SUMF1: variants seen among roughly 807,000 people sequenced by gnomAD.
SUMF1 encodes the protein sulfatase modifying factor 1.
A neutral mutation model predicts 47.6 loss-of-function variants in SUMF1; 48 were observed. That is an observed-to-expected ratio of 1.01 (90% CI 0.80 to 1.28). The LOEUF is 1.28. Ranked by LOEUF, SUMF1 falls within the 50% of genes most tolerant of loss-of-function variation. The pLI, the probability that SUMF1 is intolerant of heterozygous loss-of-function variation, is 0.00. For missense variants in SUMF1, 571 were observed against 485.4 expected, an observed-to-expected ratio of 1.18 and a Z score of -1.66; for synonymous variants, 230 against 192.1, an observed-to-expected ratio of 1.20 and a Z score of -1.63.
chr3:4,134,139 C>G (rs1693862413), intron 8 of SUMF1, among the ~76,000 whole-genome samples: 1 of 152,096 alleles, frequency 6.6e-6, no homozygotes, highest in South Asian at 2.1e-4. Context: ...CTACAGAACT[C>G]TCCACCACAT....
At chr3:4,383,582 C>G (rs938383736) in intron 7 of SUMF1, among the ~76,000 whole-genome samples, 1 of 152,218 alleles carries the variant, frequency 6.6e-6, no homozygotes, top group Non-Finnish European at 1.5e-5. Context: ...AACCAACAGT[C>G]TCAGAAGATG....
chr3:4,456,634 ACG>A (rs1412161616), intron 1 of SUMF1, among the ~76,000 whole-genome samples: 3 of 134,392 alleles, frequency 2.2e-5, no homozygotes, highest in Non-Finnish European at 4.9e-5. Flanking sequence ...ATATATATAT[ACG>A]TGTATATATA....
chr3:4,173,673 T>C (rs552562927), intron 8 of SUMF1, among the ~76,000 whole-genome samples: 4 of 152,158 alleles, frequency 2.6e-5, no homozygotes, highest in Non-Finnish European at 5.9e-5. Context: ...ATGTGGCACA[T>C]ATACACCATA....
chr3:4,315,301 G>A (rs9836925), intron 8 of SUMF1, among the ~76,000 whole-genome samples: 49,170 of 152,098 alleles, frequency 0.32, 11,064 homozygotes, highest in African/African-American at 0.64. Context: ...TGCTTCAGAC[G>A]CAATATGGAA....
intron 6 of SUMF1, among the ~76,000 whole-genome samples, chr3:4,415,379 A>G (rs1173866327): frequency 6.6e-6 from 1 of 152,216 alleles, no homozygotes; most frequent in Non-Finnish European, 1.5e-5. Flanking sequence ...ATGGTGAGAA[A>G]GGAACTCTTG....
intron 9 of SUMF1, among the ~76,000 whole-genome samples, chr3:4,065,726 T>C (rs1460894809): frequency 1.3e-5 from 2 of 152,094 alleles, no homozygotes; most frequent in Non-Finnish European, 2.9e-5. Context: ...ATTCATTATC[T>C]CCAATCCTTA....
chr3:4,144,830 A>G lies in SUMF1; in HGVS notation c.1015-76085T>C, dbSNP rs548406893. ...TAATTCATGTGTGATAGCTTCATTT[A>G]TTTTTAGCTAATTAAAATCCAAATT... On this transcript the variant is annotated intron_variant and NMD_transcript_variant, in intron 8 of 12. Coordinates refer to the SUMF1 transcript ENST00000448413. 2.0e-5 allele frequency among the ~76,000 whole-genome samples: 3 copies of G among 152,284 alleles called. No homozygotes were observed. The South Asian group carries it at 6.2e-4, about 32-fold the overall frequency.
chr3:4,313,414 T>G, intron 8 of SUMF1: 1 of 1,614,034 alleles, frequency 6.2e-7, no homozygotes, highest in Non-Finnish European at 8.5e-7. Flanking sequence ...CCTTAATCAT[T>G]CTTGTGAGCC....
At chr3:4,335,483 G>A (rs370099117) in intron 8 of SUMF1, among the ~76,000 whole-genome samples, 18 of 152,136 alleles carry the variant, frequency 1.2e-4, no homozygotes, top group Non-Finnish European at 1.0e-4. Context: ...CCACCATCAC[G>A]GAAGTGGGAA....
intron 8 of SUMF1, among the ~76,000 whole-genome samples, chr3:4,368,691 C>G (rs895070150): frequency 3.3e-5 from 5 of 152,098 alleles, no homozygotes; most frequent in Non-Finnish European, 7.4e-5. Context: ...ATACACAAGC[C>G]CTGCATGCAC....
chr3:4,124,651 C>T (rs1309113555), intron 8 of SUMF1, among the ~76,000 whole-genome samples: 1 of 151,590 alleles, frequency 6.6e-6, no homozygotes, highest in East Asian at 1.9e-4. Context: ...TAGTCTTCTC[C>T]AAAAGGACAC....
At chr3:4,044,329 T>A (rs1284346037) in intron 9 of SUMF1, among the ~76,000 whole-genome samples, 1 of 152,188 alleles carries the variant, frequency 6.6e-6, no homozygotes, top group Admixed American at 6.6e-5. Flanking sequence ...CTCTCCTCAC[T>A]GGCCTCTTGT....
Position 4,106,177 on chromosome 3 carries a change from A to C in SUMF1, c.1015-37432T>G, listed in dbSNP as rs150638100. On this transcript the variant is annotated intron_variant and NMD_transcript_variant, in intron 8 of 12. Transcript: ENST00000448413. ...TTCCCGTGGCATTGCTGGGCCATAAAAAACAAAATGAGTTTAGAAACTTTT... is the reference window on the plus strand; with the variant it reads ...TTCCCGTGGCATTGCTGGGCCATAACAAACAAAATGAGTTTAGAAACTTTT... Among the ~76,000 whole-genome samples the C allele has an allele frequency of 2.8e-3, 430 of 152,216 alleles. 4 individuals carry two copies. The highest frequency in any genetic ancestry group is 9.9e-3 in the African/African-American group (410 of 41,512).
intron 8 of SUMF1, among the ~76,000 whole-genome samples, chr3:4,230,637 A>G (rs1696277846): frequency 6.6e-6 from 1 of 152,086 alleles, no homozygotes; most frequent in African/African-American, 2.4e-5. Context: ...TAACCTAGGT[A>G]TGACTGATTA....
intron 8 of SUMF1, among the ~76,000 whole-genome samples, chr3:4,071,480 G>T (rs1695524112): frequency 6.6e-6 from 1 of 152,178 alleles, no homozygotes; most frequent in Non-Finnish European, 1.5e-5. Context: ...GCAACCAGCA[G>T]ACCAGGAGAT....
intron 8 of SUMF1, among the ~76,000 whole-genome samples, chr3:4,095,807 C>T (rs994280237): frequency 6.6e-6 from 1 of 152,116 alleles, no homozygotes; most frequent in Admixed American, 6.6e-5. Context: ...CACACTTTTA[C>T]ATAACTTTAT....
At chr3:4,068,950 C>A (rs1190242394) in intron 8 of SUMF1, among the ~76,000 whole-genome samples, 1 of 152,092 alleles carries the variant, frequency 6.6e-6, no homozygotes, top group African/African-American at 2.4e-5. Flanking sequence ...TGAGCACTGA[C>A]AATCTGACTA....
chr3:4,195,709 T>A (rs1695413025), intron 8 of SUMF1, among the ~76,000 whole-genome samples: 1 of 152,172 alleles, frequency 6.6e-6, no homozygotes, highest in Non-Finnish European at 1.5e-5. Context: ...CTGTTCTTTA[T>A]TTAATCAGAG....
chr3:4,094,472 C>A (rs189620198), intron 8 of SUMF1, among the ~76,000 whole-genome samples: 76 of 152,130 alleles, frequency 5.0e-4, no homozygotes, highest in Admixed American at 9.8e-4. Context: ...TGACTTCCAA[C>A]TGGGGAAACC....
Sources: gnomAD v4.1 joint callset for allele counts (sites outside exome capture counted in the v4.1 genomes callset) on GRCh38, gnomAD v4.1.1 for gene constraint, MANE v1.5 for transcripts, NCBI Gene and HGNC (gene_info 2026-07-23, HGNC 2026-07-21) for gene names.